The following ARMC7 variants were observed in gnomAD, a reference collection of about 807,000 sequenced individuals.
ARMC7 encodes armadillo repeat-containing protein 7.
ARMC7 carries 9 observed loss-of-function variants against 14.8 expected under a neutral mutation model. The observed-to-expected ratio is 0.61, with a 90% confidence interval of 0.37 to 1.06. ARMC7 has a LOEUF of 1.06. Ranked by LOEUF, ARMC7 falls within the 50% of genes least tolerant of loss-of-function variation. ARMC7 has a pLI of 0.01. For missense variants in ARMC7, 262 were observed against 267.1 expected, an observed-to-expected ratio of 0.98 and a Z score of 0.13; for synonymous variants, 125 against 123.4, an observed-to-expected ratio of 1.01 and a Z score of -0.09.
rs1255646226 is a variant in ARMC7 at position 75,129,272 on chromosome 17, CTCAA to C, written c.*237_*240del. ...GGAGCTGCGTTCATAGGCTGGCACT[CTCAA>C]TCCTACATCAGGTGCCACCACCACC... is the stretch of plus-strand genomic sequence containing the variant. On this transcript the variant is annotated 3_prime_UTR_variant, in exon 3 of 3. Coordinates refer to ENST00000245543, the MANE Select transcript of ARMC7 (RefSeq NM_024585.4). 1.7e-6 allele frequency: 1 copy of C among 604,182 alleles called. No individual in the cohort carries two copies. Among genetic ancestry groups the C allele is most frequent in the Admixed American group, 3.3e-5 (1 of 30,644 alleles). The allele number at this position is 604,182 out of a possible 1,614,324, so 37.4% of individuals were successfully genotyped here.
intron 2 of ARMC7, 139 bp downstream of exon 2, chr17:75,110,745 C>T (rs558223024): frequency 8.4e-7 from 1 of 1,187,178 alleles, no homozygotes; most frequent in South Asian, 1.5e-5. Context: ...GGCGGATCAC[C>T]TGAGGTCATG....
At chr17:75,110,676 C>T in intron 2 of ARMC7, 70 bp downstream of exon 2, 1 of 1,583,060 alleles carries the variant, frequency 6.3e-7, no homozygotes, top group Non-Finnish European at 8.6e-7. Flanking sequence ...GAAGTGAGTC[C>T]TTGGGGCCGG....
intron 2 of ARMC7, among the ~76,000 whole-genome samples, chr17:75,124,296 C>A (rs1457620789): frequency 6.6e-6 from 1 of 152,210 alleles, no homozygotes; most frequent in Non-Finnish European, 1.5e-5. Flanking sequence ...TGAGCTCTGG[C>A]AGGCACCCGG....
chr17:75,128,323 T>C (rs2074067459), intron 2 of ARMC7, among the ~76,000 whole-genome samples: 1 of 152,174 alleles, frequency 6.6e-6, no homozygotes, highest in Non-Finnish European at 1.5e-5. Flanking sequence ...TCCACTCACT[T>C]CAGCCTTCCA....
chr17:75,128,333 A>T (rs1271029072), intron 2 of ARMC7, among the ~76,000 whole-genome samples: 1 of 152,118 alleles, frequency 6.6e-6, no homozygotes, highest in East Asian at 1.9e-4. Flanking sequence ...TCAGCCTTCC[A>T]AAGTGCTGGG....
rs751807136 is a variant in ARMC7, at chr17:75,110,313, C to T, written c.25C>T (p.Pro9Ser). 23 of 1,613,032 alleles carry T rather than the reference C, an allele frequency of 1.4e-5. No homozygotes were observed. Among genetic ancestry groups the T allele is most frequent in the African/African-American group, 1.3e-5 (1 of 74,908 alleles). MAQKPKVDPHVGRLGYLQA... is the reference protein window; with the variant it reads MAQKPKVDSHVGRLGYLQA... ...CATGGCCCAGAAGCCGAAGGTGGAC[C>T]CCCACGTCGGGCGGCTGGGATACCT... Residue 9 changes from proline to serine, a missense_variant, in exon 1 of 3, where the codon CCC becomes TCC. Physicochemically the swap from Pro to Ser is moderately conservative, Grantham distance 74. Coordinates refer to ENST00000245543, the MANE Select transcript of ARMC7 (RefSeq NM_024585.4).
At chr17:75,110,697 T>C in intron 2 of ARMC7, 91 bp downstream of exon 2, 1 of 1,515,144 alleles carries the variant, frequency 6.6e-7, no homozygotes, top group Non-Finnish European at 9.0e-7. Context: ...GCGTGGTGGC[T>C]CACACCTGTA....
intron 2 of ARMC7, among the ~76,000 whole-genome samples, chr17:75,119,518 G>C (rs1024555280): frequency 6.8e-6 from 1 of 146,522 alleles, no homozygotes; most frequent in African/African-American, 2.5e-5. Context: ...GCGCGATCTC[G>C]ACTCACTGCA....
intron 2 of ARMC7, among the ~76,000 whole-genome samples, chr17:75,127,456 G>T (rs1399282069): frequency 2.0e-5 from 3 of 152,202 alleles, no homozygotes; most frequent in African/African-American, 7.2e-5. Flanking sequence ...TGTGCCACAG[G>T]CCCAGCTAAT....
intron 2 of ARMC7, among the ~76,000 whole-genome samples, chr17:75,118,549 C>T (rs774514871): frequency 3.9e-5 from 6 of 152,222 alleles, no homozygotes; most frequent in African/African-American, 7.2e-5. Context: ...AGGAAGGATC[C>T]GGCTACAGCG....
chr17:75,127,973 A>C (rs757830907), intron 2 of ARMC7, among the ~76,000 whole-genome samples: 18 of 152,186 alleles, frequency 1.2e-4, no homozygotes, highest in South Asian at 6.2e-4. Context: ...CAATTTGATA[A>C]ATTTTGGCAT....
Position 75,109,988 on chromosome 17 carries a change from G to C in ARMC7, c.-301G>C. On this transcript the variant is annotated 5_prime_UTR_variant, in exon 1 of 3. Coordinates refer to ENST00000245543, the MANE Select transcript of ARMC7 (RefSeq NM_024585.4). This position sits in a 1 kb window ranked among gnomAD's most constrained non-coding sequence, Gnocchi z 5.0. ...GAGCCCGGAACCGAGCCCAGGAGCC[G>C]GGGACGGTGCGCCAGTGCCCCCTCC... 1 of 336,236 alleles carries C rather than the reference G, an allele frequency of 3.0e-6. No individual in the cohort carries two copies. The highest frequency in any genetic ancestry group is 5.5e-6 in the Non-Finnish European group (1 of 181,444). 20.8% of individuals were successfully genotyped at this position (336,236 alleles called of 1,614,324 possible). A position where few individuals can be genotyped will look rare whatever the true frequency, so the allele number is the denominator to read the frequency against.
At chr17:75,116,452 A>AC (rs1292209205) in intron 2 of ARMC7, among the ~76,000 whole-genome samples, 2 of 152,100 alleles carry the variant, frequency 1.3e-5, no homozygotes, top group Admixed American at 6.6e-5. Context: ...ACATGGAGAA[A>AC]CCCCATCTCT....
chr17:75,110,263 C>A lies in ARMC7; in HGVS notation c.-26C>A. The A allele has an allele frequency of 6.3e-7, 1 of 1,583,706 alleles. No homozygotes were observed. Among genetic ancestry groups the A allele is most frequent in the Non-Finnish European group, 8.6e-7 (1 of 1,167,856 alleles). On this transcript the variant is annotated 5_prime_UTR_variant, in exon 1 of 3. Transcript: ENST00000245543. ...CACCTTTCCCACCCTCCCGCCCGTCCCTGGGGGTCCTCCGTCACCGCGGCC... is the reference window on the plus strand; with the variant it reads ...CACCTTTCCCACCCTCCCGCCCGTCACTGGGGGTCCTCCGTCACCGCGGCC...
chr17:75,115,440 G>A (rs2073966775), intron 2 of ARMC7, among the ~76,000 whole-genome samples: 1 of 152,140 alleles, frequency 6.6e-6, no homozygotes, highest in African/African-American at 2.4e-5. Context: ...CTCGGAGGCT[G>A]AGGCAGAAGA....
At position 75,130,096 on chromosome 17, in the gene ARMC7, A is replaced by G; in HGVS notation, c.*1058A>G. 5.5e-6 allele frequency: 1 copy of G among 181,980 alleles called. No homozygotes were observed. The highest frequency in any genetic ancestry group is 1.2e-5 in the Non-Finnish European group (1 of 85,288). 11.3% of individuals were successfully genotyped at this position (181,980 alleles called of 1,614,324 possible). A position where few individuals can be genotyped will look rare whatever the true frequency, so the allele number is the denominator to read the frequency against. On this transcript the variant is annotated 3_prime_UTR_variant, in exon 3 of 3. Coordinates refer to ENST00000245543, the MANE Select transcript of ARMC7 (RefSeq NM_024585.4). The stretch of plus-strand genomic sequence containing the variant: ...GCCCAGGAATGGCAGGTGCTACAAA[A>G]ATGGTACCCACGTGGGCATGGAAAT...
rs2073896335 is a variant in ARMC7, at chr17:75,110,073, G to T, written c.-216G>T. On this transcript the variant is annotated 5_prime_UTR_variant, in exon 1 of 3. Coordinates refer to ENST00000245543, the MANE Select transcript of ARMC7 (RefSeq NM_024585.4). ...CGCGCCCCAATTTCGATTTTCAAACGCAACTCCTACAGGATTCTGAGACCC... is the reference window on the plus strand; with the variant it reads ...CGCGCCCCAATTTCGATTTTCAAACTCAACTCCTACAGGATTCTGAGACCC... 9.4e-6 allele frequency: 5 copies of T among 530,598 alleles called. No homozygotes were observed. The South Asian group carries it at 1.0e-4, about 11-fold the overall frequency. The allele number at this position is 530,598 out of a possible 1,614,324, so 32.9% of individuals were successfully genotyped here. A position where few individuals can be genotyped will look rare whatever the true frequency, so the allele number is the denominator to read the frequency against.
intron 2 of ARMC7, among the ~76,000 whole-genome samples, chr17:75,111,130 AAT>A (rs2073919174): frequency 1.3e-5 from 2 of 150,872 alleles, no homozygotes; most frequent in Admixed American, 6.6e-5. Flanking sequence ...GTCTCAAAAA[AAT>A]ATGTTTTAAA....
In ARMC7 at chr17:75,109,980, C is replaced by G. The variant is rs1372380980; in HGVS notation, c.-309C>G. ...TCCGCCGGGAGCCCGGAACCGAGCC[C>G]AGGAGCCGGGGACGGTGCGCCAGTG... On this transcript the variant is annotated 5_prime_UTR_variant, in exon 1 of 3. Coordinates refer to ENST00000245543, the MANE Select transcript of ARMC7 (RefSeq NM_024585.4). The surrounding 1 kb of genome is among the most constrained non-coding windows in gnomAD (Gnocchi z 5.0). 19 of 325,048 alleles carry G rather than the reference C, an allele frequency of 5.8e-5. No individual in the cohort carries two copies. The East Asian group carries it at 1.2e-3, about 20-fold the overall frequency. The allele number at this position is 325,048 out of a possible 1,614,324, so 20.1% of individuals were successfully genotyped here. A position where few individuals can be genotyped will look rare whatever the true frequency, so the allele number is the denominator to read the frequency against.
Sources: gnomAD v4.1 joint callset for allele counts (sites outside exome capture counted in the v4.1 genomes callset) on GRCh38, gnomAD v4.1.1 for gene constraint, Gnocchi (gnomAD v3.1) non-coding constraint, MANE v1.5 for transcripts, NCBI Gene and HGNC (gene_info 2026-07-23, HGNC 2026-07-21) for gene names.